Variants in CTNNA2 observed in about 807,000 individuals in gnomAD.
CTNNA2 encodes the protein catenin alpha 2.
CTNNA2 carries 42 observed loss-of-function variants against 101.0 expected under a neutral mutation model. The observed-to-expected ratio is 0.42, with a 90% CI of 0.32 to 0.54. The LOEUF (loss-of-function observed/expected upper bound fraction) is 0.54, where lower values mean the gene tolerates loss of function less well. Among genes scored for constraint, CTNNA2 ranks in the 20% least tolerant of loss-of-function variants. The probability of loss-of-function intolerance (pLI) is 0.14; values close to 1 mark genes in which losing one functional copy is unlikely to be tolerated. For missense variants in CTNNA2, 871 were observed against 1,223.1 expected, an observed-to-expected ratio of 0.71 and a Z score of 4.29; for synonymous variants, 450 against 456.4, an observed-to-expected ratio of 0.99 and a Z score of 0.18.
At chr2:80,415,212 G>A (rs1018342674) in intron 8 of CTNNA2, among the ~76,000 whole-genome samples, 7 of 152,104 alleles carry the variant, frequency 4.6e-5, no homozygotes, top group African/African-American at 1.4e-4. Context: ...AATTTAATTG[G>A]GAGGCAGGGA....
intron 7 of CTNNA2, among the ~76,000 whole-genome samples, chr2:80,351,798 A>G (rs1026405332): frequency 1.3e-5 from 2 of 151,988 alleles, no homozygotes; most frequent in African/African-American, 4.8e-5. Context: ...GTTTGGGCTA[A>G]TTTTATCTTT....
At chr2:79,768,348 A>T (rs1370638188) in intron 3 of CTNNA2, among the ~76,000 whole-genome samples, 1 of 150,996 alleles carries the variant, frequency 6.6e-6, no homozygotes, top group Non-Finnish European at 1.5e-5. Context: ...TGAAGGAGGC[A>T]CTGTCTTTTT....
At chr2:79,250,452 A>G (rs1287153563) in intron 2 of CTNNA2, among the ~76,000 whole-genome samples, 1 of 152,114 alleles carries the variant, frequency 6.6e-6, no homozygotes, top group East Asian at 1.9e-4. Context: ...GTATCAGCTG[A>G]GGTGCCAGGA....
chr2:79,226,742 T>A (rs1048505993), intron 2 of CTNNA2, among the ~76,000 whole-genome samples: 1 of 152,134 alleles, frequency 6.6e-6, no homozygotes, highest in African/African-American at 2.4e-5. Flanking sequence ...ATGTTTAAAA[T>A]CCATACCTGA....
At chr2:80,204,877 C>A in intron 7 of CTNNA2, among the ~76,000 whole-genome samples, 1 of 151,788 alleles carries the variant, frequency 6.6e-6, no homozygotes, top group Non-Finnish European at 1.5e-5. Flanking sequence ...GCTGGGAAGG[C>A]CTCACAATCA....
intron 8 of CTNNA2, among the ~76,000 whole-genome samples, chr2:80,404,302 T>G (rs762976313): frequency 1.1e-4 from 16 of 152,174 alleles, no homozygotes; most frequent in Non-Finnish European, 1.8e-4. Context: ...TCTTTTTTAG[T>G]CTAGCTAGCA....
chr2:79,931,157 A>G (rs1438663291), intron 7 of CTNNA2, among the ~76,000 whole-genome samples: 1 of 152,216 alleles, frequency 6.6e-6, no homozygotes, highest in Admixed American at 6.5e-5. Context: ...ATCCTGCACA[A>G]TGCAACTGTT....
chr2:79,776,741 TCC>T (rs1396959334), intron 3 of CTNNA2, among the ~76,000 whole-genome samples: 4 of 152,228 alleles, frequency 2.6e-5, no homozygotes, highest in Non-Finnish European at 1.5e-5. Context: ...GTTCTTATAT[TCC>T]ACAGAAAATA....
At chr2:79,790,866 G>T (rs2105251213) in intron 3 of CTNNA2, among the ~76,000 whole-genome samples, 1 of 152,194 alleles carries the variant, frequency 6.6e-6, no homozygotes, top group South Asian at 2.1e-4. Context: ...AAATATTAGG[G>T]CCATATAATT....
At chr2:79,517,451 A>G (rs1401168268) in intron 1 of CTNNA2, among the ~76,000 whole-genome samples, 1 of 152,174 alleles carries the variant, frequency 6.6e-6, no homozygotes, top group East Asian at 1.9e-4. Flanking sequence ...CTTAAGATAT[A>G]TTAGTCATAA....
intron 1 of CTNNA2, among the ~76,000 whole-genome samples, chr2:79,576,489 A>T (rs1404307294): frequency 6.6e-6 from 1 of 152,164 alleles, no homozygotes; most frequent in Admixed American, 6.5e-5. Flanking sequence ...AAAAAGTTAT[A>T]GTCTCTATTT....
At chr2:80,157,753 CAT>C (rs1192775861) in intron 7 of CTNNA2, among the ~76,000 whole-genome samples, 3 of 152,042 alleles carry the variant, frequency 2.0e-5, no homozygotes, top group Non-Finnish European at 4.4e-5. Flanking sequence ...ATGTCTGTGA[CAT>C]GTGCTATCCC....
In CTNNA2 at chr2:79,356,262, A is replaced by T. The variant is rs191345541; in HGVS notation, c.-317-17569A>T. Among the ~76,000 whole-genome samples the T allele has an allele frequency of 5.9e-5, 9 of 152,086 alleles. No homozygotes were observed. The East Asian group carries it at 1.7e-3, about 29-fold the overall frequency. Reference sequence around the variant, plus strand: ...TCATTTGTTTATTTTCTTTGGAGAAATGTTTATTTAAGTCCTCTACTCATT... The same window carrying T: ...TCATTTGTTTATTTTCTTTGGAGAATTGTTTATTTAAGTCCTCTACTCATT... On this transcript the variant is annotated intron_variant, in intron 3 of 21. Transcript: ENST00000466387.
chr2:79,843,059 G>C (rs1390380988), intron 3 of CTNNA2, among the ~76,000 whole-genome samples: 1 of 151,470 alleles, frequency 6.6e-6, no homozygotes, highest in Non-Finnish European at 1.5e-5. Flanking sequence ...TTAGGTTTGA[G>C]GAATCTCAAT....
At chr2:80,100,591 G>T (rs1397937273) in intron 7 of CTNNA2, among the ~76,000 whole-genome samples, 2 of 152,106 alleles carry the variant, frequency 1.3e-5, no homozygotes. Flanking sequence ...TGAACTTTGT[G>T]AGTTCCACTA....
chr2:79,669,034 C>A (rs370132260), intron 2 of CTNNA2, among the ~76,000 whole-genome samples: 1 of 152,142 alleles, frequency 6.6e-6, no homozygotes, highest in South Asian at 2.1e-4. Context: ...TGGTATCTCA[C>A]GTGGAGATCT....
intron 7 of CTNNA2, among the ~76,000 whole-genome samples, chr2:80,021,715 AT>A (rs5832430): frequency 1.1e-4 from 16 of 146,258 alleles, no homozygotes; most frequent in Admixed American, 6.7e-4. Flanking sequence ...CACACTTATC[AT>A]TTTTTTTTGT....
intron 3 of CTNNA2, among the ~76,000 whole-genome samples, chr2:79,837,893 G>A (rs1000820853): frequency 2.0e-5 from 3 of 151,860 alleles, no homozygotes; most frequent in Non-Finnish European, 2.9e-5. Flanking sequence ...TCCAAACATG[G>A]CTTATTTTAT....
chr2:79,468,093 A>G (rs1039401518), intron 4 of CTNNA2, among the ~76,000 whole-genome samples: 4 of 152,202 alleles, frequency 2.6e-5, no homozygotes, highest in Non-Finnish European at 5.9e-5. Context: ...CAAATTAGAT[A>G]AAGAGTCAAG....
Sources: gnomAD v4.1 joint callset for allele counts (sites outside exome capture counted in the v4.1 genomes callset) on GRCh38, gnomAD v4.1.1 for gene constraint, MANE v1.5 for transcripts, NCBI Gene and HGNC (gene_info 2026-07-23, HGNC 2026-07-21) for gene names.